VWA5B1: variants seen among roughly 807,000 people sequenced by gnomAD.
VWA5B1 encodes the protein von Willebrand factor A domain-containing protein 5B1.
A neutral mutation model predicts 118.2 loss-of-function variants in VWA5B1; 115 were observed. The observed-to-expected ratio is 0.97, with a 90% confidence interval of 0.84 to 1.14. VWA5B1 has a LOEUF of 1.14. VWA5B1 is among the 50% of genes most tolerant of loss of function. The probability of loss-of-function intolerance (pLI) is 0.00; values close to 1 mark genes in which losing one functional copy is unlikely to be tolerated. For missense variants in VWA5B1, 1,596 were observed against 1,603.8 expected (o/e 1.00, Z 0.08); for synonymous variants, 682 against 658.4 (o/e 1.04, Z -0.55).
chr1:20,335,762 C>T (rs1056157954), intron 12 of VWA5B1, among the ~76,000 whole-genome samples: 9 of 152,260 alleles, frequency 5.9e-5, no homozygotes, highest in Admixed American at 2.0e-4. Context: ...AGGTCTCCGT[C>T]GTCATTGTCT....
chr1:20,323,664 C>G, intron 8 of VWA5B1, 132 bp downstream of exon 8: 2 of 981,118 alleles, frequency 2.0e-6, no homozygotes. Context: ...ACAGAGATAC[C>G]CAAACTCCAT....
intron 11 of VWA5B1, among the ~76,000 whole-genome samples, 162 bp from the exon 12 acceptor site, chr1:20,332,604 G>A (rs1349008399): frequency 1.3e-5 from 2 of 152,146 alleles, no homozygotes; most frequent in African/African-American, 4.8e-5. Flanking sequence ...CATTCTGTGA[G>A]TCTAAGAAGC....
At chr1:20,342,361 T>G in intron 14 of VWA5B1, 71 bp from the exon 15 acceptor site, 3 of 1,481,126 alleles carry the variant, frequency 2.0e-6, no homozygotes, top group Non-Finnish European at 2.7e-6. Flanking sequence ...CAGGAGCTCT[T>G]CCTCCTCCTT....
At chr1:20,340,152 C>G (rs2089836132) in intron 14 of VWA5B1, among the ~76,000 whole-genome samples, 1 of 151,942 alleles carries the variant, frequency 6.6e-6, no homozygotes. Context: ...TCTTCCCCAA[C>G]CTGATGCCCC....
chr1:20,301,279 A>G (rs1319268615), intron 1 of VWA5B1, among the ~76,000 whole-genome samples: 1 of 152,254 alleles, frequency 6.6e-6, no homozygotes, highest in African/African-American at 2.4e-5. Flanking sequence ...AGAAAAGGGA[A>G]TGAAAGCAAT....
At chr1:20,321,651 A>G (rs2089221215) in intron 7 of VWA5B1, among the ~76,000 whole-genome samples, 2 of 151,250 alleles carry the variant, frequency 1.3e-5, no homozygotes, top group African/African-American at 2.4e-5. Flanking sequence ...TATGATCATG[A>G]GTAGTAGGTG....
At chr1:20,333,601 G>T (rs1325116347) in intron 12 of VWA5B1, among the ~76,000 whole-genome samples, 1 of 152,236 alleles carries the variant, frequency 6.6e-6, no homozygotes, top group Non-Finnish European at 1.5e-5. Context: ...GCACACTTTA[G>T]TTCAAGAACA....
At chr1:20,318,986 C>A (rs551477982) in intron 6 of VWA5B1, among the ~76,000 whole-genome samples, 1 of 152,312 alleles carries the variant, frequency 6.6e-6, no homozygotes, top group Admixed American at 6.5e-5. Flanking sequence ...TACCCCCAGG[C>A]CAGCTGAACA....
chr1:20,350,895 A>T lies in VWA5B1; in HGVS notation c.2992A>T (p.Met998Leu). The stretch of plus-strand genomic sequence containing the variant: ...CCTGGCTACAAATACTCTTTCTTCC[A>T]TGAAGGCCTCAGAGAATCTCTTTGG... ...RSLATNTLSS[M>L]KASENLFGSW... The change falls in exon 20 of 22, where the codon ATG becomes TTG. Residue 998 changes from methionine to leucine, a missense_variant. Coordinates refer to ENST00000289815, the MANE Select transcript of VWA5B1 (RefSeq NM_001039500.3). 6.4e-7 allele frequency: 1 copy of T among 1,551,952 alleles called. No individual in the cohort carries two copies. The highest frequency in any genetic ancestry group is 8.7e-7 in the Non-Finnish European group (1 of 1,147,044).
In VWA5B1 at chr1:20,336,297, C is replaced by G. The variant is rs1470152837; in HGVS notation, c.1759-6C>G. 7.1e-7 allele frequency: 1 copy of G among 1,418,122 alleles called. No individual in the cohort carries two copies. Among genetic ancestry groups the G allele is most frequent in the East Asian group, 2.7e-5 (1 of 36,594 alleles). The allele number at this position is 1,418,122 out of a possible 1,614,324, so 87.8% of individuals were successfully genotyped here. ...TCCTAGCCCTCTTTTCTGTTTCTCC[C>G]TACAGGACAAGAGGCGCCGGTACAG... On this transcript the variant is annotated splice_region_variant and splice_polypyrimidine_tract_variant and intron_variant, in intron 12 of 21. Coordinates refer to ENST00000289815, the MANE Select transcript of VWA5B1 (RefSeq NM_001039500.3).
rs532241975 is a variant in VWA5B1 at position 20,353,888 on chromosome 1, G to C, written c.3273G>C (p.Pro1091=). 5.2e-6 allele frequency: 8 copies of C among 1,547,176 alleles called. No homozygotes were observed. The highest frequency in any genetic ancestry group is 7.0e-6 in the Non-Finnish European group (8 of 1,144,512). Residue 1091 remains proline (P), a synonymous_variant, in exon 22 of 22, where the codon CCG becomes CCC. Coordinates refer to ENST00000289815, the MANE Select transcript of VWA5B1 (RefSeq NM_001039500.3). ...TCHRVSLTTR[P]SESKTPSPQL... Reference sequence around the variant, plus strand: ...ATCGAGTGTCCCTCACCACCCGCCCGTCTGAGTCCAAGACCCCGAGTCCCC... The same window carrying C: ...ATCGAGTGTCCCTCACCACCCGCCCCTCTGAGTCCAAGACCCCGAGTCCCC...
chr1:20,316,778 G>T (rs747580446), intron 4 of VWA5B1, among the ~76,000 whole-genome samples: 2 of 152,120 alleles, frequency 1.3e-5, no homozygotes, highest in African/African-American at 2.4e-5. Context: ...GAAATGACTC[G>T]CAGGGCTTGC....
At chr1:20,332,429 G>A (rs951439628) in intron 11 of VWA5B1, among the ~76,000 whole-genome samples, 7 of 150,936 alleles carry the variant, frequency 4.6e-5, no homozygotes, top group African/African-American at 1.2e-4. Context: ...GCACTGAGCC[G>A]AGATCATGCC....
At position 20,312,842 on chromosome 1, in the gene VWA5B1, T is replaced by A; in HGVS notation, c.146T>A (p.Phe49Tyr). The A allele has an allele frequency of 6.5e-7, 1 of 1,549,440 alleles. No homozygotes were observed. ...NLEAQPFQGL[F>Y]VYPLDECTTV... ...CTGGGCCCTGCTCCGACAGGCCTCT[T>A]CGTGTACCCCCTGGATGAGTGCACC... Residue 49 changes from phenylalanine to tyrosine, a missense_variant, in exon 3 of 22, where the codon TTC (phenylalanine) becomes TAC (tyrosine). By Grantham distance (22) the Phe-to-Tyr change is conservative (BLOSUM62 3). Coordinates refer to ENST00000289815, the MANE Select transcript of VWA5B1 (RefSeq NM_001039500.3).
chr1:20,322,777 G>A (rs2089260449), intron 7 of VWA5B1, among the ~76,000 whole-genome samples: 1 of 152,202 alleles, frequency 6.6e-6, no homozygotes, highest in African/African-American at 2.4e-5. Flanking sequence ...AGTGAGGTAT[G>A]TCTTCTTGTC....
rs1399810707 is a variant in VWA5B1 at position 20,319,404 on chromosome 1, G to A, written c.864G>A (p.Leu288=). Residue 288 remains leucine (L), a synonymous_variant, in exon 7 of 22, where the codon CTG becomes CTA. Transcript: ENST00000289815. The part of the protein sequence containing the change: ...HPSEPHMPHV[L]IEKGDMTLGE... ...CAGAGCCCCATATGCCCCATGTCCT[G>A]ATAGAGAAAGGGGACATGACCCTGG... The A allele has an allele frequency of 1.9e-6, 3 of 1,551,654 alleles. No individual in the cohort carries two copies. Among genetic ancestry groups the A allele is most frequent in the Non-Finnish European group, 2.6e-6 (3 of 1,147,012 alleles).
chr1:20,317,797 A>G, intron 5 of VWA5B1, 122 bp downstream of exon 5: 1 of 1,264,178 alleles, frequency 7.9e-7, no homozygotes, highest in Non-Finnish European at 1.1e-6. Context: ...ACTAAAGTAC[A>G]CAAAGCCTGT....
chr1:20,351,007 A>T, intron 20 of VWA5B1, 81 bp downstream of exon 20: 1 of 1,378,402 alleles, frequency 7.3e-7, no homozygotes, highest in Non-Finnish European at 1.0e-6. Context: ...CCTGACTTGG[A>T]AGGCCAAAGA....
rs1242902132 is a variant in VWA5B1 at position 20,356,408 on chromosome 1, A to G, written c.*2145A>G. On this transcript the variant is annotated 3_prime_UTR_variant, in exon 22 of 22. Coordinates refer to ENST00000289815, the MANE Select transcript of VWA5B1 (RefSeq NM_001039500.3). ...TTGAGTTCTCTGTGTGACCTTGAAC[A>G]AGTGGCGTGTGTGTTCTGGGCCTCT... is the stretch of plus-strand genomic sequence containing the variant. Among the ~76,000 whole-genome samples the G allele has an allele frequency of 6.6e-6, 1 of 152,152 alleles. No homozygotes were observed. The highest frequency in any genetic ancestry group is 1.5e-5 in the Non-Finnish European group (1 of 68,032).
Sources: allele counts gnomAD v4.1 joint callset (sites outside exome capture counted in the v4.1 genomes callset), GRCh38; gene constraint gnomAD v4.1.1; transcripts MANE v1.5; gene names NCBI Gene and HGNC (gene_info 2026-07-23, HGNC 2026-07-21).